NAT10: variants seen among roughly 807,000 people sequenced by gnomAD.
NAT10 encodes RNA cytidine acetyltransferase.
NAT10 carries 109 observed loss-of-function variants against 132.2 expected under a neutral mutation model. The observed-to-expected ratio is 0.82, with a 90% confidence interval of 0.71 to 0.97. The LOEUF is 0.97. Among genes scored for constraint, NAT10 ranks in the 50% least tolerant of loss-of-function variants. NAT10 has a pLI of 0.00. For missense variants in NAT10, 1,184 were observed against 1,263.4 expected (o/e 0.94, Z 0.95); for synonymous variants, 479 against 478.0 (o/e 1.00, Z -0.03).
intron 6 of NAT10, among the ~76,000 whole-genome samples, chr11:34,117,926 A>T (rs1373618683): frequency 1.3e-5 from 2 of 152,092 alleles, no homozygotes; most frequent in African/African-American, 4.8e-5. Context: ...AGTGGCAGTC[A>T]TGCACAACAG....
intron 7 of NAT10, 28 bp from the exon 8 acceptor site, chr11:34,118,368 G>A (rs367824088): frequency 1.7e-5 from 27 of 1,612,044 alleles, no homozygotes; most frequent in Middle Eastern, 1.7e-4. Context: ...GACAGTGACA[G>A]ACCTTCCCCT....
intron 16 of NAT10, 87 bp from the exon 17 acceptor site, chr11:34,134,232 C>A: frequency 8.8e-7 from 1 of 1,139,212 alleles, no homozygotes; most frequent in Non-Finnish European, 1.3e-6. Flanking sequence ...AAACAACTGG[C>A]CTAGTTCGAG....
chr11:34,117,513 A>G (rs1851801953), intron 6 of NAT10, among the ~76,000 whole-genome samples: 1 of 152,180 alleles, frequency 6.6e-6, no homozygotes, highest in Admixed American at 6.5e-5. Context: ...CCGAGCCTTG[A>G]TGAACCCTGG....
Position 34,113,636 on chromosome 11 carries a change from CAAAAAAAAAAAAAAA to C in NAT10, c.373-70_373-56del, listed in dbSNP as rs34445882. ...TGGGCGACAGAGCAAGACTCCATCT[CAAAAAAAAAAAAAAA>C]AAAAAAAAAGTCCTTTGGGTTGCTA... On this transcript the variant is annotated intron_variant, in intron 4 of 28. Coordinates refer to ENST00000257829, the MANE Select transcript of NAT10 (RefSeq NM_024662.3). 3.7e-5 allele frequency: 34 copies of C among 906,880 alleles called. No individual in the cohort carries two copies. In the South Asian group the frequency reaches 6.7e-4, roughly 18 times the overall value. 56.2% of individuals were successfully genotyped at this position (906,880 alleles called of 1,614,324 possible). A position where few individuals can be genotyped will look rare whatever the true frequency, so the allele number is the denominator to read the frequency against.
intron 11 of NAT10, among the ~76,000 whole-genome samples, chr11:34,124,977 A>G (rs992184309): frequency 6.6e-6 from 1 of 152,230 alleles, no homozygotes; most frequent in Non-Finnish European, 1.5e-5. Flanking sequence ...ACGGACTGAG[A>G]CTAATGGGCT....
At chr11:34,123,047 T>G (rs1387646406) in intron 9 of NAT10, among the ~76,000 whole-genome samples, 1 of 152,250 alleles carries the variant, frequency 6.6e-6, no homozygotes, top group African/African-American at 2.4e-5. Flanking sequence ...CTACTGGGTT[T>G]GGAAGATACA....
intron 28 of NAT10, among the ~76,000 whole-genome samples, chr11:34,144,573 T>C (rs1346130954): frequency 1.3e-5 from 2 of 152,228 alleles, no homozygotes; most frequent in Admixed American, 1.3e-4. Context: ...AATAACTGTT[T>C]TCATACTAAT....
rs556375667 is a variant in NAT10 at position 34,123,606 on chromosome 11, A to G, written c.915-156A>G. 6.6e-5 allele frequency among the ~76,000 whole-genome samples: 10 copies of G among 152,322 alleles called. No homozygotes were observed. The South Asian group carries it at 2.1e-3, about 32-fold the overall frequency. On this transcript the variant is annotated intron_variant, in intron 9 of 28. Coordinates refer to ENST00000257829, the MANE Select transcript of NAT10 (RefSeq NM_024662.3). ...GTAGCTAAATGTCTGGAGTTGCTTT[A>G]CTTTCCTTCCCAAAAGGTGTCCTGA... is the stretch of plus-strand genomic sequence containing the variant.
chr11:34,135,321 C>G (rs1852189389), intron 19 of NAT10, 30 bp downstream of exon 19: 1 of 1,582,298 alleles, frequency 6.3e-7, no homozygotes, highest in Admixed American at 1.7e-5. Context: ...CCTCCTGTGT[C>G]CTGGTTCTTG....
At chr11:34,116,324 C>A (rs981271550) in intron 6 of NAT10, among the ~76,000 whole-genome samples, 1 of 152,178 alleles carries the variant, frequency 6.6e-6, no homozygotes, top group Non-Finnish European at 1.5e-5. Context: ...AAAAAGGCGA[C>A]AAAGTGTTTC....
chr11:34,139,268 G>A lies in NAT10; in HGVS notation c.2289G>A (p.Trp763Ter), dbSNP rs776385919. 2 of 1,614,002 alleles carry A rather than the reference G, an allele frequency of 1.2e-6. No homozygotes were observed. The highest frequency in any genetic ancestry group is 1.7e-6 in the Non-Finnish European group (2 of 1,179,992). Residue 763 changes from tryptophan to a stop codon, truncating the protein, a stop_gained, in exon 22 of 29, where the codon TGG becomes TGA. Coordinates refer to ENST00000257829, the MANE Select transcript of NAT10 (RefSeq NM_024662.3). LOFTEE classifies it high-confidence loss of function. Reference protein sequence around the residue: ...TDEDEADQGGWLAAFWKDFRR... With the variant: ...TDEDEADQGG ...AGGATGAGGCTGACCAGGGAGGCTGGCTTGCAGCCTTCTGGAAAGGTGACT... is the reference window on the plus strand; with the variant it reads ...AGGATGAGGCTGACCAGGGAGGCTGACTTGCAGCCTTCTGGAAAGGTGACT...
intron 4 of NAT10, 56 bp downstream of exon 4, chr11:34,112,279 C>T (rs923581722): frequency 6.2e-7 from 1 of 1,600,794 alleles, no homozygotes; most frequent in Admixed American, 1.7e-5. Context: ...GTTGCTTGGG[C>T]TGCCTGGCTT....
In NAT10 at chr11:34,105,699, G is replaced by A. The variant is rs1023574824; in HGVS notation, c.-109G>A. 1.3e-5 allele frequency: 2 copies of A among 152,358 alleles called. No individual in the cohort carries two copies. The highest frequency in any genetic ancestry group is 4.8e-5 in the African/African-American group (2 of 41,484). 9.4% of individuals were successfully genotyped at this position (152,358 alleles called of 1,614,324 possible). A position where few individuals can be genotyped will look rare whatever the true frequency, so the allele number is the denominator to read the frequency against. On this transcript the variant is annotated 5_prime_UTR_variant, in exon 1 of 29. Transcript: ENST00000257829. ...ACCCGGACACCAGGCATACGCTAGG[G>A]GCAGTCAGCTGTGCCTTCTCTTTCG... is the stretch of plus-strand genomic sequence containing the variant.
chr11:34,120,906 C>T (rs575926190), intron 8 of NAT10, among the ~76,000 whole-genome samples: 23 of 152,212 alleles, frequency 1.5e-4, no homozygotes, highest in Non-Finnish European at 2.2e-4. Flanking sequence ...ATGAAGGAGG[C>T]GAGGTGAGGA....
Position 34,112,196 on chromosome 11 carries a change from C to T in NAT10, c.345C>T (p.Gly115=), listed in dbSNP as rs775330161. Residue 115 remains glycine, a synonymous_variant, in exon 4 of 29, where the codon GGC becomes GGT. Coordinates refer to ENST00000257829, the MANE Select transcript of NAT10 (RefSeq NM_024662.3). ...ACAACGAGACCCACAAGATCCTGGG[C>T]AATACCTTCGGCATGTGTGTGCTGC... ...CYYNETHKIL[G]NTFGMCVLQD... 1.9e-6 allele frequency: 3 copies of T among 1,614,240 alleles called. No homozygotes were observed. In the East Asian group the frequency reaches 6.7e-5, roughly 36 times the overall value.
chr11:34,122,485 G>A lies in NAT10; in HGVS notation c.807G>A (p.Glu269=), dbSNP rs151136899. The stretch of plus-strand genomic sequence containing the variant: ...CCAAAGCTGTCTTGAAATTTATCGA[G>A]GGCATCTCTGAAAAGACCCTGAGGA... ...DQAKAVLKFI[E]GISEKTLRST... Residue 269 remains glutamate, a synonymous_variant, in exon 9 of 29, where the codon GAG becomes GAA. Transcript: ENST00000257829. 4.4e-4 allele frequency: 716 copies of A among 1,614,150 alleles called. 13 individuals carry two copies. The East Asian group carries it at 0.016, about 35-fold the overall frequency.
rs558445588 is a variant in NAT10 at position 34,132,129 on chromosome 11, T to C, written c.1525T>C (p.Tyr509His). The change falls in exon 15 of 29, where the codon TAT (tyrosine) becomes CAT (histidine). Residue 509 changes from tyrosine to histidine, a missense_variant. By Grantham distance (83) the Tyr-to-His change is moderately conservative. Transcript: ENST00000257829. The stretch of plus-strand genomic sequence containing the variant: ...GTTTCTTAACTCCAGACCCAGGTAC[T>C]ATGTTAATAGAGATACCCTCTTTTG... Reference protein sequence around the residue: ...CPLPEACELYYVNRDTLFCYH... With the variant: ...CPLPEACELYHVNRDTLFCYH... The C allele has an allele frequency of 6.2e-6, 10 of 1,612,544 alleles. No individual in the cohort carries two copies. The highest frequency in any genetic ancestry group is 2.7e-5 in the African/African-American group (2 of 75,012).
rs1280557234 is a variant in NAT10 at position 34,135,164 on chromosome 11, T to G, written c.1912-11T>G. ...TTCCCTCGGCCTCTTCCCCTTCACG[T>G]TTGCTCCTAGATGGGCTATGGCAGC... is the stretch of plus-strand genomic sequence containing the variant. On this transcript the variant is annotated splice_polypyrimidine_tract_variant and intron_variant, in intron 18 of 28. Transcript: ENST00000257829. 6.2e-7 allele frequency: 1 copy of G among 1,610,748 alleles called. No individual in the cohort carries two copies. Among genetic ancestry groups the G allele is most frequent in the Admixed American group, 1.7e-5 (1 of 59,968 alleles).
At chr11:34,141,851 C>A in intron 26 of NAT10, 34 bp downstream of exon 26, 1 of 1,558,762 alleles carries the variant, frequency 6.4e-7, no homozygotes, top group South Asian at 1.1e-5. Flanking sequence ...GGAGTCCCAG[C>A]ATTTCCATCA....
Sources: gnomAD v4.1 joint callset for allele counts (sites outside exome capture counted in the v4.1 genomes callset) on GRCh38, gnomAD v4.1.1 for gene constraint, MANE v1.5 for transcripts, NCBI Gene and HGNC (gene_info 2026-07-23, HGNC 2026-07-21) for gene names.